The following BCAR3 variants were observed in gnomAD, a reference collection of about 807,000 sequenced individuals.
BCAR3 encodes BCAR3 adaptor protein, NSP family member.
A neutral mutation model predicts 80.1 loss-of-function variants in BCAR3; 37 were observed. That is an observed-to-expected ratio of 0.46 (90% CI 0.36 to 0.61). The LOEUF (loss-of-function observed/expected upper bound fraction) is 0.61. Among genes scored for constraint, BCAR3 ranks in the 20% least tolerant of loss-of-function variants. The pLI is 0.00. For missense variants in BCAR3, 978 were observed against 1,068.2 expected (o/e 0.92, Z 1.18); for synonymous variants, 389 against 418.9 (o/e 0.93, Z 0.87).
chr1:93,838,775 A>G (rs1264238948), intron 2 of BCAR3, among the ~76,000 whole-genome samples: 1 of 152,186 alleles, frequency 6.6e-6, no homozygotes, highest in Non-Finnish European at 1.5e-5. Flanking sequence ...GGGCAATTTC[A>G]GCCGGTGTAT....
Position 93,840,064 on chromosome 1 carries a change from A to T in BCAR3, c.-63+5503T>A, listed in dbSNP as rs192679051. Reference sequence around the variant, plus strand: ...CATATGAGAATCACCTAGGGAGTTTAAAAAAAATGCTGATGCCAGGGTCCC... The same window carrying T: ...CATATGAGAATCACCTAGGGAGTTTTAAAAAAATGCTGATGCCAGGGTCCC... On this transcript the variant is annotated intron_variant, in intron 2 of 13. Coordinates refer to the BCAR3 transcript ENST00000370244. Among the ~76,000 whole-genome samples the T allele has an allele frequency of 4.8e-3, 730 of 152,080 alleles. 7 individuals are homozygous for T. Among genetic ancestry groups the T allele is most frequent in the African/African-American group, 0.014 (580 of 41,504 alleles).
At chr1:93,712,035 G>A (rs935937337) in intron 2 of BCAR3, among the ~76,000 whole-genome samples, 3 of 152,186 alleles carry the variant, frequency 2.0e-5, no homozygotes, top group Admixed American at 6.5e-5. Context: ...TTCGTTTACT[G>A]ACTGTGTGAT....
At chr1:93,614,128 G>T in intron 3 of BCAR3, 2 of 1,371,504 alleles carry the variant, frequency 1.5e-6, no homozygotes, top group African/African-American at 1.5e-5. Context: ...AAGCCAATAC[G>T]ATCCACTCGC....
chr1:93,588,202 C>A (rs1338204686), intron 5 of BCAR3, among the ~76,000 whole-genome samples: 1 of 152,134 alleles, frequency 6.6e-6, no homozygotes, highest in Non-Finnish European at 1.5e-5. Context: ...CATAGTCTTC[C>A]AGCTCAGATG....
At chr1:93,567,665 TCATAA>T in intron 10 of BCAR3, 70 bp downstream of exon 10, 1 of 1,471,208 alleles carries the variant, frequency 6.8e-7, no homozygotes, top group Non-Finnish European at 9.4e-7. Context: ...ACTCAGGGCC[TCATAA>T]CATGCCCTGT....
intron 5 of BCAR3, among the ~76,000 whole-genome samples, chr1:93,584,369 A>G (rs2101835175): frequency 6.6e-6 from 1 of 152,310 alleles, no homozygotes; most frequent in African/African-American, 2.4e-5. Flanking sequence ...GCTGAGTCCT[A>G]GGATGCCTCC....
chr1:93,708,214 A>G (rs779786633), intron 2 of BCAR3, among the ~76,000 whole-genome samples: 15 of 152,216 alleles, frequency 9.9e-5, no homozygotes, highest in Non-Finnish European at 1.6e-4. Context: ...CATGACCTTC[A>G]GTAATGGGCC....
At chr1:93,842,163 T>TTTC (rs397699829) in intron 2 of BCAR3, among the ~76,000 whole-genome samples, 7 of 141,532 alleles carry the variant, frequency 4.9e-5, no homozygotes, top group African/African-American at 1.3e-4. Context: ...TTTTTTTTTT[T>TTTC]CCCCAGAGAT....
At chr1:93,807,092 G>A (rs866079152) in intron 2 of BCAR3, among the ~76,000 whole-genome samples, 28 of 151,804 alleles carry the variant, frequency 1.8e-4, no homozygotes, top group African/African-American at 6.3e-4. Context: ...ATGACAAAGT[G>A]AGACCCTATC....
intron 3 of BCAR3, among the ~76,000 whole-genome samples, chr1:93,609,536 G>A (rs1285369098): frequency 6.6e-6 from 1 of 152,192 alleles, no homozygotes; most frequent in African/African-American, 2.4e-5. Context: ...ACAAGTTTCA[G>A]CTCCTTTGTC....
intron 2 of BCAR3, among the ~76,000 whole-genome samples, chr1:93,818,735 C>T (rs1467243275): frequency 1.3e-5 from 2 of 152,146 alleles, no homozygotes; most frequent in African/African-American, 2.4e-5. Flanking sequence ...TGGAGAGACA[C>T]AGACAGGTAA....
At chr1:93,619,100 ATTTTTTT>A (rs34715455) in intron 3 of BCAR3, among the ~76,000 whole-genome samples, 10 of 126,730 alleles carry the variant, frequency 7.9e-5, no homozygotes, top group Non-Finnish European at 1.3e-4. Context: ...CACCACGCCA[ATTTTTTT>A]TTTTTTTTTT....
intron 2 of BCAR3, among the ~76,000 whole-genome samples, chr1:93,813,175 T>C (rs576623177): frequency 6.6e-6 from 1 of 152,200 alleles, no homozygotes; most frequent in South Asian, 2.1e-4. Flanking sequence ...CTTGGTCCAC[T>C]GTTCTTCCTC....
chr1:93,610,728 C>T (rs924473073), intron 3 of BCAR3, among the ~76,000 whole-genome samples: 4 of 152,164 alleles, frequency 2.6e-5, no homozygotes, highest in Admixed American at 2.6e-4. Flanking sequence ...GGCAGATCAC[C>T]TGAGGTCATG....
chr1:93,806,031 AT>A (rs1463113342), intron 2 of BCAR3, among the ~76,000 whole-genome samples: 1 of 152,184 alleles, frequency 6.6e-6, no homozygotes, highest in Non-Finnish European at 1.5e-5. Flanking sequence ...TTGAAAAGAA[AT>A]GTAAAATATG....
intron 3 of BCAR3, among the ~76,000 whole-genome samples, chr1:93,627,949 T>C (rs1212184465): frequency 6.6e-6 from 1 of 152,126 alleles, no homozygotes; most frequent in Non-Finnish European, 1.5e-5. Flanking sequence ...TTTATTTTTA[T>C]AAGTAACTAT....
intron 2 of BCAR3, among the ~76,000 whole-genome samples, chr1:93,725,335 A>G (rs1035490065): frequency 3.9e-5 from 6 of 152,258 alleles, no homozygotes; most frequent in Non-Finnish European, 5.9e-5. Context: ...TAAGCATTAC[A>G]TAGGGACTGT....
At chr1:93,701,836 G>T (rs1027378682) in intron 3 of BCAR3, among the ~76,000 whole-genome samples, 8 of 152,182 alleles carry the variant, frequency 5.3e-5, no homozygotes, top group African/African-American at 1.9e-4. Context: ...GCCACTTCCT[G>T]CATCCCTGAG....
At chr1:93,645,774 TTA>T (rs1239613807) in intron 2 of BCAR3, among the ~76,000 whole-genome samples, 2 of 150,582 alleles carry the variant, frequency 1.3e-5, no homozygotes, top group Non-Finnish European at 3.0e-5. Flanking sequence ...TTTATAATAT[TTA>T]TGTTTAATTG....
Sources: allele counts gnomAD v4.1 joint callset (sites outside exome capture counted in the v4.1 genomes callset), GRCh38; gene constraint gnomAD v4.1.1; transcripts MANE v1.5; gene names NCBI Gene and HGNC (gene_info 2026-07-23, HGNC 2026-07-21).